SMARCAL1: variants seen among roughly 807,000 people sequenced by gnomAD.
SMARCAL1 encodes the protein SNF2 related chromatin remodeling annealing helicase 1.
In SMARCAL1, 58 loss-of-function variants were observed where a neutral mutation model predicts 94.5. The observed-to-expected ratio is 0.61, with a 90% CI of 0.50 to 0.76. The LOEUF (loss-of-function observed/expected upper bound fraction) is 0.76. Ranked by LOEUF, SMARCAL1 falls within the 30% of genes least tolerant of loss-of-function variation. The pLI is 0.00. For synonymous variants in SMARCAL1, 422 were observed against 455.1 expected (o/e 0.93, Z 0.93); for missense variants, 1,051 against 1,177.9 (o/e 0.89, Z 1.58).
At chr2:216,457,897 G>A (rs1483222133) in intron 12 of SMARCAL1, among the ~76,000 whole-genome samples, 1 of 152,128 alleles carries the variant, frequency 6.6e-6, no homozygotes, top group Non-Finnish European at 1.5e-5. Context: ...GAATCCAGGA[G>A]CTGGTTTTTT....
chr2:216,462,789 G>A (rs541353196), intron 12 of SMARCAL1, among the ~76,000 whole-genome samples: 10 of 151,572 alleles, frequency 6.6e-5, no homozygotes, highest in Non-Finnish European at 8.8e-5. Context: ...AGTTTGAGAC[G>A]GACCTGGACA....
chr2:216,470,106 T>C (rs564266033), intron 14 of SMARCAL1, among the ~76,000 whole-genome samples: 35 of 152,314 alleles, frequency 2.3e-4, no homozygotes, highest in African/African-American at 8.2e-4. Context: ...GAAAATTCTT[T>C]ATAAATTCTG....
At position 216,475,761 on chromosome 2, in the gene SMARCAL1, T is replaced by C. The variant is rs1024406939; in HGVS notation, c.2427+310T>C. Among the ~76,000 whole-genome samples the C allele has an allele frequency of 4.6e-5, 7 of 152,040 alleles. No homozygotes were observed. The highest frequency in any genetic ancestry group is 8.8e-5 in the Non-Finnish European group (6 of 67,976). ...TCCCGAGTAGCTAGGATTACAGGTGTGAGCCACCACGCCAGGCGATTGGCT... is the reference window on the plus strand; with the variant it reads ...TCCCGAGTAGCTAGGATTACAGGTGCGAGCCACCACGCCAGGCGATTGGCT... On this transcript the variant is annotated intron_variant, in intron 15 of 17. Coordinates refer to ENST00000357276, the MANE Select transcript of SMARCAL1 (RefSeq NM_014140.4). This position sits in a 1 kb window ranked among gnomAD's most constrained non-coding sequence, Gnocchi z 4.4.
chr2:216,422,501 A>G (rs1271735002), intron 5 of SMARCAL1, among the ~76,000 whole-genome samples: 1 of 152,200 alleles, frequency 6.6e-6, no homozygotes. Context: ...CCAGGTGTCC[A>G]AAAACCGTGA....
Position 216,415,500 on chromosome 2 carries a change from C to T in SMARCAL1, c.796C>T (p.Pro266Ser). 6.2e-7 allele frequency: 1 copy of T among 1,612,388 alleles called. No individual in the cohort carries two copies. The highest frequency in any genetic ancestry group is 1.3e-5 in the African/African-American group (1 of 74,860). ...ACTCATTGCAGTGTTTAAGACCCTG[C>T]CCAGCAAGAATTATGGTAATGTCTT... The part of the protein sequence containing the change: ...AELIAVFKTL[P>S]SKNYDPDTKT... The change falls in exon 3 of 18, where the codon CCC becomes TCC. Residue 266 changes from proline (P) to serine (S), a missense_variant. By Grantham distance (74) the Pro-to-Ser change is moderately conservative (BLOSUM62 -1). Coordinates refer to ENST00000357276, the MANE Select transcript of SMARCAL1 (RefSeq NM_014140.4).
chr2:216,429,915 G>T (rs774007273), intron 7 of SMARCAL1, among the ~76,000 whole-genome samples: 2 of 152,128 alleles, frequency 1.3e-5, no homozygotes, highest in Non-Finnish European at 2.9e-5. Context: ...TGTCCTTTGG[G>T]CCTTGTTTTA....
chr2:216,438,331 T>A, intron 9 of SMARCAL1, 89 bp from the exon 10 acceptor site: 1 of 1,127,214 alleles, frequency 8.9e-7, no homozygotes. Context: ...CACCTTGCAC[T>A]TGCCATGCCA....
intron 12 of SMARCAL1, among the ~76,000 whole-genome samples, chr2:216,459,115 C>A (rs1416839548): frequency 1.3e-5 from 2 of 152,020 alleles, no homozygotes; most frequent in East Asian, 3.9e-4. Context: ...ACCTAGGAAT[C>A]CAACTTACAA....
At position 216,412,551 on chromosome 2, in the gene SMARCAL1, CCGTCCACT is replaced by C. The variant is rs1304646318; in HGVS notation, c.-190_-183del. 2 of 152,376 alleles carry C rather than the reference CCGTCCACT, an allele frequency of 1.3e-5. No homozygotes were observed. Among genetic ancestry groups the C allele is most frequent in the African/African-American group, 4.8e-5 (2 of 41,488 alleles). The allele number at this position is 152,376 out of a possible 1,614,324, so 9.4% of individuals were successfully genotyped here. A position where few individuals can be genotyped will look rare whatever the true frequency, so the allele number is the denominator to read the frequency against. ...CAGCGCTTGAATACCCGTGGCCTAA[CCGTCCACT>C]CGGAAGACCGGTCCCGCTCGGGAGG... On this transcript the variant is annotated 5_prime_UTR_variant, in exon 1 of 18. Coordinates refer to ENST00000357276, the MANE Select transcript of SMARCAL1 (RefSeq NM_014140.4).
intron 12 of SMARCAL1, among the ~76,000 whole-genome samples, chr2:216,459,702 T>G (rs1305677619): frequency 2.6e-5 from 4 of 151,994 alleles, no homozygotes; most frequent in Non-Finnish European, 5.9e-5. Context: ...GATTAAAGAC[T>G]TAAATGTTAG....
rs780292291 is a variant in SMARCAL1 at position 216,438,410 on chromosome 2, T to C, written c.1645-10T>C. 13 of 1,613,332 alleles carry C rather than the reference T, an allele frequency of 8.1e-6. No homozygotes were observed. Among genetic ancestry groups the C allele is most frequent in the South Asian group, 1.1e-5 (1 of 91,038 alleles). On this transcript the variant is annotated splice_polypyrimidine_tract_variant and intron_variant, in intron 9 of 17. Coordinates refer to ENST00000357276, the MANE Select transcript of SMARCAL1 (RefSeq NM_014140.4). ...GGATCTTGTACACTTATGTGGCTACTTCTTTTCAGGATGAATCTCACTTCC... is the reference window on the plus strand; with the variant it reads ...GGATCTTGTACACTTATGTGGCTACCTCTTTTCAGGATGAATCTCACTTCC...
chr2:216,430,278 A>G (rs1289275824), intron 7 of SMARCAL1, among the ~76,000 whole-genome samples: 1 of 152,286 alleles, frequency 6.6e-6, no homozygotes, highest in Non-Finnish European at 1.5e-5. Context: ...GAGGGCTGTC[A>G]ATTCTATGTT....
intron 4 of SMARCAL1, among the ~76,000 whole-genome samples, chr2:216,418,896 G>A (rs1272066923): frequency 2.0e-5 from 3 of 152,108 alleles, no homozygotes; most frequent in Admixed American, 6.5e-5. Context: ...AAATGGTTTC[G>A]TGTTGTTGAA....
chr2:216,419,247 A>T (rs556224699), intron 4 of SMARCAL1, among the ~76,000 whole-genome samples: 1 of 152,378 alleles, frequency 6.6e-6, no homozygotes, highest in South Asian at 2.1e-4. Flanking sequence ...AAGTTTGAGA[A>T]GTAAAAAAGT....
intron 7 of SMARCAL1, among the ~76,000 whole-genome samples, chr2:216,432,131 C>T (rs545642745): frequency 4.6e-5 from 7 of 152,074 alleles, no homozygotes; most frequent in Non-Finnish European, 8.8e-5. Flanking sequence ...AAGCGATTCT[C>T]CTGCCTCAGC....
intron 7 of SMARCAL1, among the ~76,000 whole-genome samples, chr2:216,429,769 A>G (rs1213493241): frequency 6.8e-6 from 1 of 148,138 alleles, no homozygotes; most frequent in Non-Finnish European, 1.5e-5. Flanking sequence ...CCGTTTGGGC[A>G]CAGTGCACTT....
intron 11 of SMARCAL1, among the ~76,000 whole-genome samples, 171 bp downstream of exon 11, chr2:216,447,329 A>G (rs947108215): frequency 1.3e-5 from 2 of 152,066 alleles, no homozygotes; most frequent in African/African-American, 4.8e-5. Context: ...CAGGGGTAAG[A>G]TGAAAATGGT....
At chr2:216,450,815 C>G (rs763300118) in intron 11 of SMARCAL1, 31 bp from the exon 12 acceptor site, 1 of 1,584,098 alleles carries the variant, frequency 6.3e-7, no homozygotes, top group South Asian at 1.1e-5. Context: ...AAAGGAGCCT[C>G]ATGGGGCTGT....
chr2:216,413,059 C>T (rs1693501148), intron 1 of SMARCAL1: 1 of 151,162 alleles, frequency 6.6e-6, no homozygotes, highest in Non-Finnish European at 1.5e-5. Context: ...CTGTGCACCT[C>T]CAAAACCTTT....
Sources: gnomAD v4.1 joint callset for allele counts (sites outside exome capture counted in the v4.1 genomes callset) on GRCh38, gnomAD v4.1.1 for gene constraint, Gnocchi (gnomAD v3.1) non-coding constraint, MANE v1.5 for transcripts, NCBI Gene and HGNC (gene_info 2026-07-23, HGNC 2026-07-21) for gene names.